Variants in THEMIS observed in about 807,000 individuals in gnomAD.
The protein encoded by THEMIS is thymocyte selection associated.
Under a neutral mutation model 52.6 loss-of-function variants are expected in THEMIS, and 37 were observed. That is an observed-to-expected ratio of 0.70 (90% CI 0.54 to 0.93). The LOEUF is 0.93. Ranked by LOEUF, THEMIS falls within the 40% of genes least tolerant of loss-of-function variation. The pLI, the probability that THEMIS is intolerant of heterozygous loss-of-function variation, is 0.00. For missense variants in THEMIS, 808 were observed against 763.1 expected, an observed-to-expected ratio of 1.06 and a Z score of -0.69; for synonymous variants, 292 against 272.7, an observed-to-expected ratio of 1.07 and a Z score of -0.70.
At chr6:127,903,201 C>T (rs916405121), upstream of THEMIS, among the ~76,000 whole-genome samples, 1 of 152,032 alleles carries the variant, frequency 6.6e-6, no homozygotes, top group African/African-American at 2.4e-5. Flanking sequence ...TGTCTTTGCT[C>T]TATATCCCCA....
At chr6:127,888,610 A>C (rs1396850174) in intron 1 of THEMIS, among the ~76,000 whole-genome samples, 1 of 152,102 alleles carries the variant, frequency 6.6e-6, no homozygotes. Context: ...TGCATTTATA[A>C]AATTACCAAC....
At chr6:127,705,569 A>T (rs1022030817), downstream of THEMIS, among the ~76,000 whole-genome samples, 1 of 152,190 alleles carries the variant, frequency 6.6e-6, no homozygotes, top group Non-Finnish European at 1.5e-5. Flanking sequence ...TCATCCAAGA[A>T]GAATCTATGC....
chr6:127,844,758 A>G (rs926408315), intron 2 of THEMIS, among the ~76,000 whole-genome samples: 1 of 151,948 alleles, frequency 6.6e-6, no homozygotes, highest in African/African-American at 2.4e-5. Flanking sequence ...ACCACACATG[A>G]CATGATTTAC....
chr6:127,757,453 G>A (rs541394623), intron 4 of THEMIS, among the ~76,000 whole-genome samples: 85 of 151,944 alleles, frequency 5.6e-4, no homozygotes, highest in African/African-American at 1.9e-3. Flanking sequence ...ATATATGTAA[G>A]TGAAAGTGAT....
Position 127,730,711 on chromosome 6 carries a change from G to GC in THEMIS, c.1759-10889dup, listed in dbSNP as rs575482903. On this transcript the variant is annotated intron_variant, in intron 4 of 5. Coordinates refer to ENST00000368248, the MANE Select transcript of THEMIS (RefSeq NM_001010923.3). ...TTGCACACTGTTTTCAGCAATGAAA[G>GC]CATATAACATCAAAAATATTCCAAA... Among the ~76,000 whole-genome samples, 39 of 152,234 alleles carry GC rather than the reference G, an allele frequency of 2.6e-4. 1 individual carries two copies. In the South Asian group the frequency reaches 8.1e-3, roughly 32 times the overall value.
intron 2 of THEMIS, among the ~76,000 whole-genome samples, chr6:127,849,949 C>A (rs189752862): frequency 3.3e-5 from 5 of 152,192 alleles, no homozygotes; most frequent in East Asian, 1.9e-4. Flanking sequence ...AGTAAACAGA[C>A]AACCCACAAA....
chr6:127,797,040 T>G (rs944231223), intron 4 of THEMIS, among the ~76,000 whole-genome samples: 1 of 152,244 alleles, frequency 6.6e-6, no homozygotes, highest in Non-Finnish European at 1.5e-5. Context: ...TTCTTCCTGC[T>G]GTAGCTTAAT....
chr6:127,747,098 AT>A (rs1775459283), intron 4 of THEMIS, among the ~76,000 whole-genome samples: 2 of 126,380 alleles, frequency 1.6e-5, no homozygotes, highest in Non-Finnish European at 1.6e-5. Context: ...TATATTATAT[AT>A]AATTATATAT....
chr6:127,758,842 T>C (rs1775923172), intron 4 of THEMIS, among the ~76,000 whole-genome samples: 1 of 152,116 alleles, frequency 6.6e-6, no homozygotes, highest in Non-Finnish European at 1.5e-5. Flanking sequence ...AGTAACACAA[T>C]CAGAATTATA....
chr6:127,763,429 G>A (rs184220711), intron 4 of THEMIS, among the ~76,000 whole-genome samples: 1 of 152,064 alleles, frequency 6.6e-6, no homozygotes, highest in Admixed American at 6.6e-5. Context: ...AAGAATTGAT[G>A]GCTGTTTGAG....
chr6:127,787,920 A>ATAG (rs1562258195), intron 4 of THEMIS, among the ~76,000 whole-genome samples: 17,133 of 133,162 alleles, frequency 0.13, 1,468 homozygotes, highest in Non-Finnish European at 0.18. Context: ...TAGATAGATA[A>ATAG]ATAGATGCTC....
At chr6:127,705,790 T>C (rs1248195686), downstream of THEMIS, among the ~76,000 whole-genome samples, 1 of 152,170 alleles carries the variant, frequency 6.6e-6, no homozygotes, top group Non-Finnish European at 1.5e-5. Flanking sequence ...TGTTGTATCA[T>C]AGGGTACACA....
intron 1 of THEMIS, among the ~76,000 whole-genome samples, chr6:127,906,371 A>G (rs1781269285): frequency 6.6e-6 from 1 of 151,916 alleles, no homozygotes. Flanking sequence ...AGCAAAATTG[A>G]CCAAATGAAT....
chr6:127,869,044 TATGA>T (rs1376228361), intron 1 of THEMIS, among the ~76,000 whole-genome samples: 1 of 152,156 alleles, frequency 6.6e-6, no homozygotes, highest in African/African-American at 2.4e-5. Flanking sequence ...TGATAATAAC[TATGA>T]ATGAACATTG....
At chr6:127,784,784 C>A (rs1291141750) in intron 4 of THEMIS, among the ~76,000 whole-genome samples, 2 of 151,876 alleles carry the variant, frequency 1.3e-5, no homozygotes, top group Non-Finnish European at 2.9e-5. Context: ...AAGAGCTCAA[C>A]CCCTGGACTT....
chr6:127,747,348 TTA>T (rs1349353842), intron 4 of THEMIS, among the ~76,000 whole-genome samples: 1 of 144,574 alleles, frequency 6.9e-6, no homozygotes, highest in East Asian at 2.0e-4. Context: ...ATAGATACAA[TTA>T]TAGATATATA....
intron 1 of THEMIS, among the ~76,000 whole-genome samples, chr6:127,863,889 A>G (rs1583369131): frequency 6.6e-6 from 1 of 152,188 alleles, no homozygotes; most frequent in East Asian, 1.9e-4. Context: ...TACAGTAGAA[A>G]AAGTACAAAT....
chr6:127,790,974 T>G (rs184266936), intron 4 of THEMIS, among the ~76,000 whole-genome samples: 2 of 152,316 alleles, frequency 1.3e-5, no homozygotes, highest in East Asian at 3.9e-4. Flanking sequence ...AAAAAGGGCA[T>G]CACAGCCCTG....
intron 2 of THEMIS, among the ~76,000 whole-genome samples, chr6:127,839,653 C>A (rs1179806711): frequency 1.3e-5 from 2 of 152,118 alleles, no homozygotes; most frequent in Non-Finnish European, 2.9e-5. Context: ...CAGGCATGAG[C>A]CACTATGCCC....
Sources: allele counts gnomAD v4.1 joint callset (sites outside exome capture counted in the v4.1 genomes callset), GRCh38; gene constraint gnomAD v4.1.1; transcripts MANE v1.5; gene names NCBI Gene and HGNC (gene_info 2026-07-23, HGNC 2026-07-21).